Variants in GEN1 observed in about 807,000 individuals in gnomAD.
The protein encoded by GEN1 is flap endonuclease GEN homolog 1.
GEN1 carries 64 observed loss-of-function variants against 67.6 expected under a neutral mutation model. The ratio of observed to expected loss-of-function variants is 0.95; its 90% confidence interval spans 0.77 to 1.17. The LOEUF (loss-of-function observed/expected upper bound fraction) is 1.17. Among genes scored for constraint, GEN1 ranks in the 50% most tolerant of loss-of-function variants. The pLI, the probability that GEN1 is intolerant of heterozygous loss-of-function variation, is 0.00. For synonymous variants in GEN1, 371 were observed against 359.4 expected, an observed-to-expected ratio of 1.03 and a Z score of -0.37; for missense variants, 1,058 against 1,048.3, an observed-to-expected ratio of 1.01 and a Z score of -0.13.
chr2:17,760,121 T>G lies in GEN1; in HGVS notation c.161+17T>G. 1 of 1,611,876 alleles carries G rather than the reference T, an allele frequency of 6.2e-7. No homozygotes were observed. Among genetic ancestry groups the G allele is most frequent in the South Asian group, 1.1e-5 (1 of 90,818 alleles). On this transcript the variant is annotated intron_variant, in intron 2 of 13. Coordinates refer to ENST00000381254, the MANE Select transcript of GEN1 (RefSeq NM_001130009.3). The stretch of plus-strand genomic sequence containing the variant: ...CCACCTCAGGTATAGTAAAAGCTCT[T>G]ACAGTATAAATGTATGATGTATAAA...
rs1391978731 is a variant in GEN1, at chr2:17,788,772, A to G, written c.*6833A>G. The G allele has an allele frequency of 6.6e-6, 1 of 152,200 alleles. No individual in the cohort carries two copies. Among genetic ancestry groups the G allele is most frequent in the African/African-American group, 2.4e-5 (1 of 41,442 alleles). The allele number at this position is 152,200 out of a possible 1,614,324, so 9.4% of individuals were successfully genotyped here. ...AAATCAGAAACGGCTGTTCTTTAAT[A>G]AATGCTTTCAATCTGAAAGTCAGAA... On this transcript the variant is annotated 3_prime_UTR_variant, in exon 14 of 14. Coordinates refer to ENST00000381254, the MANE Select transcript of GEN1 (RefSeq NM_001130009.3).
rs1352768502 is a variant in GEN1, at chr2:17,781,750, T to C, written c.2538T>C (p.His846=). The change falls in exon 14 of 14, where the codon CAT becomes CAC. Residue 846 remains histidine (H), a synonymous_variant. Transcript: ENST00000381254. ...GHNKLSSPKI[H]IKETEQCVRS... is the part of the protein sequence containing the mutation. ...ACAAGTTGAGTAGCCCTAAGATACA[T>C]ATTAAAGAAACTGAACAGTGTGTCA... 9.3e-6 allele frequency: 15 copies of C among 1,613,528 alleles called. No individual in the cohort carries two copies. The highest frequency in any genetic ancestry group is 1.7e-5 in the Admixed American group (1 of 59,962).
At chr2:17,759,888 T>C in intron 1 of GEN1, 41 bp from the exon 2 acceptor site, 1 of 1,547,378 alleles carries the variant, frequency 6.5e-7, no homozygotes, top group South Asian at 1.1e-5. Context: ...TGAGCTTCTG[T>C]TTCTTTAACA....
At chr2:17,773,561 A>G (rs191237052) in intron 10 of GEN1, among the ~76,000 whole-genome samples, 251 of 152,204 alleles carry the variant, frequency 1.6e-3, no homozygotes, top group Non-Finnish European at 3.1e-3. Flanking sequence ...TTTTGGGGGA[A>G]GAGGGTTTAA....
intron 10 of GEN1, among the ~76,000 whole-genome samples, chr2:17,773,731 A>C (rs1426484419): frequency 6.6e-6 from 1 of 152,086 alleles, no homozygotes; most frequent in Non-Finnish European, 1.5e-5. Context: ...AAATAATATT[A>C]CTTATCTCAT....
chr2:17,766,325 G>A (rs1432956040), intron 4 of GEN1, among the ~76,000 whole-genome samples: 3 of 151,902 alleles, frequency 2.0e-5, no homozygotes, highest in Non-Finnish European at 2.9e-5. Flanking sequence ...ATGCCACCAC[G>A]CCTGGCTAAT....
At position 17,759,952 on chromosome 2, in the gene GEN1, G is replaced by C; in HGVS notation, c.9G>C (p.Val3=). The C allele has an allele frequency of 1.2e-6, 2 of 1,613,894 alleles. No homozygotes were observed. The highest frequency in any genetic ancestry group is 1.7e-6 in the Non-Finnish European group (2 of 1,179,900). MG[V]NDLWQILEPV... ...AGCAGATAATCACCAGAATGGGAGTGAATGACTTGTGGCAAATTTTGGAGC... is the reference window on the plus strand; with the variant it reads ...AGCAGATAATCACCAGAATGGGAGTCAATGACTTGTGGCAAATTTTGGAGC... Residue 3 remains valine (V), a synonymous_variant, in exon 2 of 14, where the codon GTG becomes GTC. Transcript: ENST00000381254.
In GEN1 at chr2:17,781,546, T is replaced by C; in HGVS notation, c.2334T>C (p.Ser778=). The C allele has an allele frequency of 1.2e-6, 2 of 1,613,852 alleles. No homozygotes were observed. The highest frequency in any genetic ancestry group is 1.1e-5 in the South Asian group (1 of 91,084). ...CACCAAATACTGCTTTAGATCATAG[T>C]AGAAAAGTTGATATGCAAACCACTC... ...VRPPNTALDH[S]RKVDMQTTRK... The change falls in exon 14 of 14, where the codon AGT becomes AGC. Residue 778 remains serine (S), a synonymous_variant. Coordinates refer to ENST00000381254, the MANE Select transcript of GEN1 (RefSeq NM_001130009.3).
At chr2:17,770,730 T>G (rs1672142016) in intron 6 of GEN1, among the ~76,000 whole-genome samples, 1 of 152,076 alleles carries the variant, frequency 6.6e-6, no homozygotes, top group South Asian at 2.1e-4. Context: ...TTGATACAGT[T>G]TTCACCCAGA....
intron 7 of GEN1, among the ~76,000 whole-genome samples, chr2:17,771,790 A>G (rs546622144): frequency 9.4e-5 from 14 of 148,668 alleles, no homozygotes; most frequent in African/African-American, 3.4e-4. Flanking sequence ...TCTTGGTTTA[A>G]AAAAAAAAAA....
Position 17,783,484 on chromosome 2 carries a change from G to A in GEN1, c.*1545G>A, listed in dbSNP as rs1270295266. 1 of 152,184 alleles carries A rather than the reference G, an allele frequency of 6.6e-6. No homozygotes were observed. The highest frequency in any genetic ancestry group is 1.5e-5 in the Non-Finnish European group (1 of 68,044). 9.4% of individuals were successfully genotyped at this position (152,184 alleles called of 1,614,324 possible). A position where few individuals can be genotyped will look rare whatever the true frequency, so the allele number is the denominator to read the frequency against. ...TTAAATGTAATTCCCATTAATTCCA[G>A]CTGGTTTCTTTGCTGATTCTAAAAT... On this transcript the variant is annotated 3_prime_UTR_variant, in exon 14 of 14. Transcript: ENST00000381254.
rs1386984306 is a variant in GEN1, at chr2:17,771,306, T to C, written c.802+19T>C. 2 of 1,380,516 alleles carry C rather than the reference T, an allele frequency of 1.4e-6. No individual in the cohort carries two copies. Among genetic ancestry groups the C allele is most frequent in the East Asian group, 4.6e-5 (2 of 43,776 alleles). The allele number at this position is 1,380,516 out of a possible 1,614,324, so 85.5% of individuals were successfully genotyped here. On this transcript the variant is annotated intron_variant, in intron 7 of 13. Transcript: ENST00000381254. ...CATCCAGGTAAGGAGACATAGGGAA[T>C]GGTTATTAGTATCTCATACCCATGT...
Position 17,780,911 on chromosome 2 carries a change from T to C in GEN1, c.1699T>C (p.Ser567Pro). Reference protein sequence around the residue: ...KAVSKSLISESSQPNTSSHNI... With the variant: ...KAVSKSLISEPSQPNTSSHNI... Reference sequence around the variant, plus strand: ...TGTCAGTAAGTCTCTAATTTCAGAATCTAGTCAACCCAATACCTCATCTCA... The same window carrying C: ...TGTCAGTAAGTCTCTAATTTCAGAACCTAGTCAACCCAATACCTCATCTCA... The change falls in exon 14 of 14, where the codon TCT (serine) becomes CCT (proline). Residue 567 changes from serine to proline, a missense_variant. Physicochemically the swap from Ser to Pro is moderately conservative, Grantham distance 74. Coordinates refer to ENST00000381254, the MANE Select transcript of GEN1 (RefSeq NM_001130009.3). 1 of 1,613,964 alleles carries C rather than the reference T, an allele frequency of 6.2e-7. No individual in the cohort carries two copies.
At chr2:17,758,901 T>C (rs1671548483) in intron 1 of GEN1, among the ~76,000 whole-genome samples, 1 of 150,490 alleles carries the variant, frequency 6.6e-6, no homozygotes, top group Admixed American at 6.6e-5. Context: ...CTGGCCACAC[T>C]ATAAAATTCA....
chr2:17,782,039 G>A lies in GEN1; in HGVS notation c.*100G>A. 2 of 643,302 alleles carry A rather than the reference G, an allele frequency of 3.1e-6. No homozygotes were observed. The highest frequency in any genetic ancestry group is 2.9e-5 in the Admixed American group (1 of 34,654). 39.8% of individuals were successfully genotyped at this position (643,302 alleles called of 1,614,324 possible). On this transcript the variant is annotated 3_prime_UTR_variant, in exon 14 of 14. Transcript: ENST00000381254. ...GTTCATGTGTGGTAAAAATTTTAAT[G>A]TTCTCTGTGTCATGAAACACTTGCC...
At position 17,778,357 on chromosome 2, in the gene GEN1, CATAT is replaced by C. The variant is rs1672629944; in HGVS notation, c.1264+297_1264+300del. On this transcript the variant is annotated intron_variant, in intron 12 of 13. Transcript: ENST00000381254. The stretch of plus-strand genomic sequence containing the variant: ...ATATGTATACACACACATGTGTGTA[CATAT>C]ATGTATATACACACACATATATGTG... Among the ~76,000 whole-genome samples the C allele has an allele frequency of 1.9e-4, 9 of 46,224 alleles. 3 individuals are homozygous for C. The highest frequency in any genetic ancestry group is 1.3e-3 in the Admixed American group (5 of 3,710). The allele number at this position is 46,224 out of a possible 152,430, so 30.3% of individuals were successfully genotyped here.
At chr2:17,753,288 C>T (rs1481541432), upstream of GEN1, among the ~76,000 whole-genome samples, 2 of 66,544 alleles carry the variant, frequency 3.0e-5, no homozygotes, top group Non-Finnish European at 6.6e-5. Flanking sequence ...AGACCTCTCC[C>T]CGCTTTACAG....
At chr2:17,768,625 TA>T in intron 5 of GEN1, 112 bp from the exon 6 acceptor site, 1 of 727,004 alleles carries the variant, frequency 1.4e-6, no homozygotes, top group South Asian at 1.9e-5. Flanking sequence ...TTCCTATCTT[TA>T]TTGAAGAGTT....
At chr2:17,769,372 C>G (rs2125137947) in intron 6 of GEN1, among the ~76,000 whole-genome samples, 1 of 152,142 alleles carries the variant, frequency 6.6e-6, no homozygotes, top group Non-Finnish European at 1.5e-5. Flanking sequence ...GCCACGGTGC[C>G]CAGCCACCAT....
Sources: gnomAD v4.1 joint callset for allele counts (sites outside exome capture counted in the v4.1 genomes callset) on GRCh38, gnomAD v4.1.1 for gene constraint, MANE v1.5 for transcripts, NCBI Gene and HGNC (gene_info 2026-07-23, HGNC 2026-07-21) for gene names.